CNBD1: variants seen among roughly 807,000 people sequenced by gnomAD.
The protein encoded by CNBD1 is cyclic nucleotide binding domain containing 1, also known as cyclic nucleotide-binding domain-containing protein 1.
In CNBD1, 71 loss-of-function variants were observed where a neutral mutation model predicts 54.4. That is an observed-to-expected ratio of 1.30 (90% CI 1.08 to 1.59). CNBD1 has a LOEUF of 1.59. Among genes scored for constraint, CNBD1 ranks in the 40% most tolerant of loss-of-function variants. The pLI, the probability that CNBD1 is intolerant of heterozygous loss-of-function variation, is 0.00. For synonymous variants in CNBD1, 182 were observed against 170.7 expected (o/e 1.07, Z -0.51); for missense variants, 659 against 518.0 (o/e 1.27, Z -2.64).
chr8:87,355,142 A>C (rs1316627234), intron 10 of CNBD1, among the ~76,000 whole-genome samples: 2 of 152,230 alleles, frequency 1.3e-5, no homozygotes, highest in Admixed American at 6.5e-5. Flanking sequence ...GTTTGTATGT[A>C]TATTATGTAC....
chr8:87,017,172 C>G (rs147072959), intron 4 of CNBD1, among the ~76,000 whole-genome samples: 1 of 152,130 alleles, frequency 6.6e-6, no homozygotes, highest in Non-Finnish European at 1.5e-5. Flanking sequence ...AACCAGAGCA[C>G]AAAAACATAC....
intron 3 of CNBD1, among the ~76,000 whole-genome samples, chr8:86,930,088 C>T (rs1389075939): frequency 6.6e-6 from 1 of 152,166 alleles, no homozygotes; most frequent in Non-Finnish European, 1.5e-5. Flanking sequence ...CTCTGGGTCT[C>T]CTTGATTAGA....
intron 4 of CNBD1, among the ~76,000 whole-genome samples, chr8:87,156,705 TG>T (rs368155615): frequency 6.6e-6 from 1 of 152,190 alleles, no homozygotes; most frequent in African/African-American, 2.4e-5. Flanking sequence ...TATTCAGGGT[TG>T]GGGGTTAAGC....
intron 2 of CNBD1, among the ~76,000 whole-genome samples, chr8:87,424,376 A>C (rs1181944108): frequency 5.3e-5 from 8 of 151,896 alleles, no homozygotes; most frequent in Admixed American, 6.6e-5. Context: ...TTAGGGTGTC[A>C]ATTTTGGATC....
At chr8:86,875,019 T>TA (rs1554626907) in intron 1 of CNBD1, among the ~76,000 whole-genome samples, 1 of 128,500 alleles carries the variant, frequency 7.8e-6, no homozygotes, top group African/African-American at 2.8e-5. Context: ...TATATATATA[T>TA]ATGTATTAAA....
At chr8:87,096,233 A>C (rs1036903690) in intron 4 of CNBD1, among the ~76,000 whole-genome samples, 25 of 152,062 alleles carry the variant, frequency 1.6e-4, no homozygotes, top group African/African-American at 6.0e-4. Context: ...TGGGAAGTTT[A>C]AGTTCAATGT....
intron 8 of CNBD1, among the ~76,000 whole-genome samples, chr8:87,310,017 G>A (rs1809231924): frequency 6.6e-6 from 1 of 152,038 alleles, no homozygotes; most frequent in African/African-American, 2.4e-5. Context: ...AAAATCAGTA[G>A]CATTTCTATA....
intron 2 of CNBD1, among the ~76,000 whole-genome samples, chr8:87,426,051 G>A (rs1037488420): frequency 2.6e-5 from 4 of 152,198 alleles, no homozygotes; most frequent in Non-Finnish European, 4.4e-5. Flanking sequence ...TCGGAAAATC[G>A]CAGTATTTGG....
chr8:87,247,852 T>A (rs1409045400), intron 6 of CNBD1, among the ~76,000 whole-genome samples: 1 of 152,180 alleles, frequency 6.6e-6, no homozygotes, highest in Non-Finnish European at 1.5e-5. Context: ...CATTTTTCAG[T>A]TGTTAAGTTC....
intron 2 of CNBD1, among the ~76,000 whole-genome samples, chr8:87,423,128 T>A (rs1807974998): frequency 6.6e-6 from 1 of 152,182 alleles, no homozygotes; most frequent in Non-Finnish European, 1.5e-5. Flanking sequence ...TGATTTTGTA[T>A]CCTGAGACTT....
chr8:87,312,078 T>C (rs1809277991), intron 8 of CNBD1, among the ~76,000 whole-genome samples: 1 of 152,060 alleles, frequency 6.6e-6, no homozygotes, highest in African/African-American at 2.4e-5. Context: ...AACCTGCATA[T>C]ATACCCCTGA....
chr8:87,098,749 A>T (rs1811366466), intron 4 of CNBD1, among the ~76,000 whole-genome samples: 1 of 141,210 alleles, frequency 7.1e-6, no homozygotes, highest in Admixed American at 7.1e-5. Flanking sequence ...AAAAAAAAAA[A>T]CTCCTGGGCC....
intron 4 of CNBD1, among the ~76,000 whole-genome samples, chr8:87,178,941 C>T (rs575488758): frequency 1.3e-5 from 2 of 152,242 alleles, no homozygotes; most frequent in African/African-American, 4.8e-5. Context: ...GAGTCTCACC[C>T]TTGTTGCCCA....
At chr8:87,230,727 G>C (rs1411463645) in intron 5 of CNBD1, among the ~76,000 whole-genome samples, 1 of 152,104 alleles carries the variant, frequency 6.6e-6, no homozygotes, top group Non-Finnish European at 1.5e-5. Flanking sequence ...ACTCTTCATG[G>C]CATGTTTGGT....
chr8:87,384,959 G>T (rs1458230174), downstream of CNBD1, among the ~76,000 whole-genome samples: 2 of 152,162 alleles, frequency 1.3e-5, no homozygotes, highest in African/African-American at 2.4e-5. Context: ...TAGAAACTTG[G>T]TAAGGACTTT....
intron 4 of CNBD1, among the ~76,000 whole-genome samples, chr8:87,064,078 T>C (rs1810597452): frequency 6.6e-6 from 1 of 152,004 alleles, no homozygotes. Flanking sequence ...CTAATCTTTA[T>C]ACCCTTTTTC....
At chr8:87,341,047 T>C (rs1810053631) in intron 8 of CNBD1, among the ~76,000 whole-genome samples, 1 of 152,182 alleles carries the variant, frequency 6.6e-6, no homozygotes, top group Non-Finnish European at 1.5e-5. Context: ...GGAAGGACTT[T>C]TATCACTTAG....
chr8:86,876,484 G>T (rs1159924209), intron 1 of CNBD1, among the ~76,000 whole-genome samples: 1 of 151,366 alleles, frequency 6.6e-6, no homozygotes. Context: ...TATGCCTGTG[G>T]TTTACTTTTT....
At chr8:87,385,268 G>A (rs1271752367), downstream of CNBD1, among the ~76,000 whole-genome samples, 1 of 152,084 alleles carries the variant, frequency 6.6e-6, no homozygotes, top group Non-Finnish European at 1.5e-5. Context: ...GTTGGACGGT[G>A]GGTGCAGGAC....
Sources: allele counts gnomAD v4.1 joint callset (sites outside exome capture counted in the v4.1 genomes callset), GRCh38; gene constraint gnomAD v4.1.1; transcripts MANE v1.5; gene names NCBI Gene and HGNC (gene_info 2026-07-23, HGNC 2026-07-21).